The following RGS12 variants were observed in gnomAD, a reference collection of about 807,000 sequenced individuals.
The protein encoded by RGS12 is regulator of G-protein signaling 12.
A neutral mutation model predicts 120.1 loss-of-function variants in RGS12; 66 were observed. That is an observed-to-expected ratio of 0.55 (90% CI 0.45 to 0.67). The LOEUF is 0.67. Among genes scored for constraint, RGS12 ranks in the 30% least tolerant of loss-of-function variants. The probability of loss-of-function intolerance (pLI) is 0.00; values close to 1 mark genes in which losing one functional copy is unlikely to be tolerated. For missense variants in RGS12, 1,859 were observed against 1,957.7 expected (o/e 0.95, Z 0.95); for synonymous variants, 827 against 804.7 (o/e 1.03, Z -0.47).
chr4:3,318,990 C>G (rs1725001432), intron 2 of RGS12, among the ~76,000 whole-genome samples: 1 of 152,226 alleles, frequency 6.6e-6, no homozygotes, highest in South Asian at 2.1e-4. Flanking sequence ...CATCCTGAGA[C>G]CATCCTAAGA....
chr4:3,425,164 G>C (rs1208182456), intron 13 of RGS12, among the ~76,000 whole-genome samples: 1 of 152,218 alleles, frequency 6.6e-6, no homozygotes, highest in African/African-American at 2.4e-5. Flanking sequence ...GCAGTTTCGA[G>C]GGTCAGTATT....
chr4:3,435,320 G>C lies in RGS12; in HGVS notation c.4115-4135G>C, dbSNP rs143340620. 2.2e-3 allele frequency among the ~76,000 whole-genome samples: 342 copies of C among 152,230 alleles called. 2 individuals carry two copies. Among genetic ancestry groups the C allele is most frequent in the African/African-American group, 8.0e-3 (333 of 41,552 alleles). ...CCGGGTGAGGATGCAGCCCCACCTG[G>C]CTCCTGCTCTGTCCAAGAGAGGCCT... On this transcript the variant is annotated intron_variant, in intron 17 of 17. Transcript: ENST00000336727.
chr4:3,312,074 C>A (rs1448007379), intron 1 of RGS12, among the ~76,000 whole-genome samples: 1 of 152,086 alleles, frequency 6.6e-6, no homozygotes, highest in Non-Finnish European at 1.5e-5. Context: ...CTGGCCTTGC[C>A]CCAGACTTAC....
At chr4:3,407,715 CG>C (rs1186543920) in intron 4 of RGS12, 2 of 152,164 alleles carry the variant, frequency 1.3e-5, no homozygotes, top group African/African-American at 4.8e-5. Flanking sequence ...TGACGTGTTT[CG>C]TGATCTGACT....
chr4:3,301,277 G>T (rs191722659), intron 1 of RGS12, among the ~76,000 whole-genome samples: 1 of 152,226 alleles, frequency 6.6e-6, no homozygotes, highest in Non-Finnish European at 1.5e-5. Context: ...AACACGCTTG[G>T]TGCTGAAGAG....
At chr4:3,381,350 A>C (rs1718236254) in intron 3 of RGS12, among the ~76,000 whole-genome samples, 1 of 152,166 alleles carries the variant, frequency 6.6e-6, no homozygotes, top group Non-Finnish European at 1.5e-5. Context: ...CCCAGTTCCA[A>C]AGTCACTTGC....
chr4:3,424,399 G>A (rs956159492), intron 13 of RGS12, among the ~76,000 whole-genome samples: 1 of 152,238 alleles, frequency 6.6e-6, no homozygotes, highest in Non-Finnish European at 1.5e-5. Context: ...CACCACCTCC[G>A]AGGGTAACCT....
chr4:3,355,946 A>G (rs1714851731), intron 3 of RGS12, among the ~76,000 whole-genome samples: 1 of 152,072 alleles, frequency 6.6e-6, no homozygotes, highest in Admixed American at 6.6e-5. Context: ...AAAATGACCT[A>G]TAGATTCAGT....
intron 3 of RGS12, among the ~76,000 whole-genome samples, chr4:3,362,862 T>C (rs35339931): frequency 0.076 from 9,726 of 128,388 alleles, 536 homozygotes; most frequent in African/African-American, 0.18. Flanking sequence ...GGTGTGTGTG[T>C]GCGAGGGTGT....
At chr4:3,363,727 A>G (rs1299390011) in intron 3 of RGS12, among the ~76,000 whole-genome samples, 1 of 151,788 alleles carries the variant, frequency 6.6e-6, no homozygotes, top group Admixed American at 6.6e-5. Context: ...GGAACAGCCC[A>G]AAGACCAACA....
At chr4:3,349,972 C>T (rs942701740) in intron 3 of RGS12, among the ~76,000 whole-genome samples, 9 of 152,120 alleles carry the variant, frequency 5.9e-5, no homozygotes, top group Admixed American at 1.3e-4. Flanking sequence ...TTCCCATCTA[C>T]GTTTATGTAC....
At chr4:3,343,161 T>G in intron 3 of RGS12, 108 bp downstream of exon 3, 1 of 739,864 alleles carries the variant, frequency 1.4e-6, no homozygotes, top group South Asian at 1.6e-5. Flanking sequence ...TCCCCTCCCC[T>G]CCTCCTCTGT....
chr4:3,339,500 A>G (rs1462744753), intron 2 of RGS12, among the ~76,000 whole-genome samples: 1 of 151,888 alleles, frequency 6.6e-6, no homozygotes, highest in Non-Finnish European at 1.5e-5. Context: ...AAAAAATTAA[A>G]CTCTCTTATC....
intron 2 of RGS12, among the ~76,000 whole-genome samples, chr4:3,325,706 C>T (rs1157783767): frequency 6.6e-6 from 1 of 152,100 alleles, no homozygotes; most frequent in African/African-American, 2.4e-5. Flanking sequence ...CAGTATCACC[C>T]CAGTACCCAA....
At chr4:3,419,787 C>T (rs375106059) in intron 9 of RGS12, among the ~76,000 whole-genome samples, 9 of 152,164 alleles carry the variant, frequency 5.9e-5, no homozygotes, top group African/African-American at 1.9e-4. Context: ...TGCCACTGTA[C>T]TCCAGCCTGG....
chr4:3,362,534 TGAGG>T (rs1301433710), intron 3 of RGS12, among the ~76,000 whole-genome samples: 3 of 95,424 alleles, frequency 3.1e-5, no homozygotes, highest in African/African-American at 1.3e-4. Flanking sequence ...GGGTGTGTTG[TGAGG>T]GTTTGTGTGA....
rs1184629828 is a variant in RGS12 at position 3,433,261 on chromosome 4, G to A, written c.4114+2306G>A. On this transcript the variant is annotated intron_variant, in intron 17 of 17. Coordinates refer to ENST00000336727, the MANE Select transcript of RGS12 (RefSeq NM_001394154.1). The surrounding 1 kb of genome is among the most constrained non-coding windows in gnomAD (Gnocchi z 4.4). ...ATGTGGCAGCCGCCCTGGACCCAGCGTCCGGGGTGAGAAACACAACAGGAG... is the reference window on the plus strand; with the variant it reads ...ATGTGGCAGCCGCCCTGGACCCAGCATCCGGGGTGAGAAACACAACAGGAG... Among the ~76,000 whole-genome samples, 2 of 152,200 alleles carry A rather than the reference G, an allele frequency of 1.3e-5. No homozygotes were observed. Among genetic ancestry groups the A allele is most frequent in the African/African-American group, 2.4e-5 (1 of 41,446 alleles).
rs1341405756 is a variant in RGS12, at chr4:3,389,315, G to C, written c.2020+2878G>C. Among the ~76,000 whole-genome samples, 1 of 152,188 alleles carries C rather than the reference G, an allele frequency of 6.6e-6. No homozygotes were observed. The highest frequency in any genetic ancestry group is 1.5e-5 in the Non-Finnish European group (1 of 68,036). On this transcript the variant is annotated intron_variant, in intron 4 of 17. Coordinates refer to ENST00000336727, the MANE Select transcript of RGS12 (RefSeq NM_001394154.1). This position sits in a 1 kb window ranked among gnomAD's most constrained non-coding sequence, Gnocchi z 5.2. ...GGGGGCACGGCAGGGCTGTGGGTGG[G>C]GGCAGGGAGCAGATTCCAGCTGGAG...
rs369276591 is a variant in RGS12, at chr4:3,301,344, A to G, written c.-102+8245A>G. On this transcript the variant is annotated intron_variant, in intron 1 of 17. Transcript: ENST00000336727. Reference sequence around the variant, plus strand: ...TTGTCTTTCTGAGAGTGGATAAGATACTAAAAGCAAAAGGACCCCTTCAGG... The same window carrying G: ...TTGTCTTTCTGAGAGTGGATAAGATGCTAAAAGCAAAAGGACCCCTTCAGG... Among the ~76,000 whole-genome samples, 5 of 152,350 alleles carry G rather than the reference A, an allele frequency of 3.3e-5. No homozygotes were observed. In the East Asian group the frequency reaches 9.6e-4, roughly 29 times the overall value.
Sources: gnomAD v4.1 joint callset for allele counts (sites outside exome capture counted in the v4.1 genomes callset) on GRCh38, gnomAD v4.1.1 for gene constraint, Gnocchi (gnomAD v3.1) non-coding constraint, MANE v1.5 for transcripts, NCBI Gene and HGNC (gene_info 2026-07-23, HGNC 2026-07-21) for gene names.